TCP11: variants seen among roughly 807,000 people sequenced by gnomAD.
TCP11 encodes the protein T-complex protein 11 homolog.
Under a neutral mutation model 45.0 loss-of-function variants are expected in TCP11, and 34 were observed. That is an observed-to-expected ratio of 0.76 (90% CI 0.57 to 1.01). The LOEUF is 1.01. Ranked by LOEUF, TCP11 falls within the 50% of genes least tolerant of loss-of-function variation. The pLI is 0.00. For missense variants in TCP11, 523 were observed against 598.1 expected (o/e 0.87, Z 1.31); for synonymous variants, 227 against 227.0 (o/e 1.00, Z 0.00).
rs555329666 is a variant in TCP11 at position 35,131,777 on chromosome 6, T to C, written c.237-2595A>G. 1.2e-4 allele frequency among the ~76,000 whole-genome samples: 18 copies of C among 152,272 alleles called. No homozygotes were observed. In the East Asian group the frequency reaches 2.9e-3, roughly 25 times the overall value. On this transcript the variant is annotated intron_variant, in intron 3 of 9. Coordinates refer to ENST00000311875, the MANE Select transcript of TCP11 (RefSeq NM_001370687.1). The stretch of plus-strand genomic sequence containing the variant: ...TTACAGCTGCCTCATTTTTAAAAAA[T>C]GTTTAGTACAGACAGAGTTTTGCCA...
intron 2 of TCP11, chr6:35,140,242 A>T: frequency 6.7e-7 from 1 of 1,494,844 alleles, no homozygotes; most frequent in South Asian, 1.2e-5. Flanking sequence ...ATTAAGAGAA[A>T]TACAGCATGA....
intron 1 of TCP11, 110 bp downstream of exon 1, chr6:35,141,095 A>G: frequency 7.8e-7 from 1 of 1,274,244 alleles, no homozygotes; most frequent in Non-Finnish European, 1.0e-6. Flanking sequence ...CTAAAGCCAC[A>G]GAAGCCCGGC....
At chr6:35,129,490 AG>A (rs1245512942) in intron 3 of TCP11, among the ~76,000 whole-genome samples, 1 of 152,252 alleles carries the variant, frequency 6.6e-6, no homozygotes, top group Non-Finnish European at 1.5e-5. Context: ...CATCTAGCCT[AG>A]ATAACTTGAT....
intron 4 of TCP11, among the ~76,000 whole-genome samples, chr6:35,123,318 T>C (rs1420293334): frequency 2.0e-5 from 3 of 152,176 alleles, no homozygotes; most frequent in Admixed American, 1.3e-4. Context: ...AACTTGAGGA[T>C]AGCAGATGAT....
At position 35,120,572 on chromosome 6, in the gene TCP11, C is replaced by T; in HGVS notation, c.790G>A (p.Asp264Asn). The T allele has an allele frequency of 6.2e-7, 1 of 1,613,890 alleles. No homozygotes were observed. Among genetic ancestry groups the T allele is most frequent in the Non-Finnish European group, 8.5e-7 (1 of 1,180,028 alleles). ...GCCACACTGGAGGAGTCAGAAGTGT[C>T]TGGGCAAGTCGGAGGTGACATGGTG... ...DLTMSPPTCPDTSDSSSVAGP... is the reference protein window; with the variant it reads ...DLTMSPPTCPNTSDSSSVAGP... Residue 264 changes from aspartate (D) to asparagine (N), a missense_variant, in exon 7 of 10, where the codon GAC (aspartate) becomes AAC (asparagine). Asp to Asn is a conservative substitution (Grantham distance 23). Coordinates refer to ENST00000311875, the MANE Select transcript of TCP11 (RefSeq NM_001370687.1). The surrounding 1 kb of genome is among the most constrained non-coding windows in gnomAD (Gnocchi z 4.9).
At chr6:35,127,065 C>G (rs1779908015) in intron 4 of TCP11, among the ~76,000 whole-genome samples, 1 of 152,182 alleles carries the variant, frequency 6.6e-6, no homozygotes, top group Non-Finnish European at 1.5e-5. Context: ...TGATAACCCA[C>G]TTGCAGGATT....
intron 3 of TCP11, among the ~76,000 whole-genome samples, chr6:35,133,123 A>G: frequency 6.6e-6 from 1 of 152,108 alleles, no homozygotes; most frequent in East Asian, 1.9e-4. Flanking sequence ...AAATTAGAAC[A>G]ATTTTATTTT....
At position 35,140,757 on chromosome 6, in the gene TCP11, G is replaced by T. The variant is rs748833848; in HGVS notation, c.114C>A (p.Asp38Glu). 3.9e-6 allele frequency: 6 copies of T among 1,527,840 alleles called. No homozygotes were observed. The highest frequency in any genetic ancestry group is 1.3e-5 in the South Asian group (1 of 75,640). The allele number at this position is 1,527,840 out of a possible 1,614,324, so 94.6% of individuals were successfully genotyped here. ...CCGAGCTGGACCTACAGGGAGGGGG[G>T]TCCTCGGAGCCGCTCTTGTCTTCCT... ...PPQEDKSGSE[D>E]PPPFLSVTGL... The change falls in exon 2 of 10, where the codon GAC (aspartate) becomes GAA (glutamate). Residue 38 changes from aspartate to glutamate, a missense_variant. Asp to Glu is a conservative substitution (Grantham distance 45). Around this residue, in one of 2 missense-constraint regions of TCP11, gnomAD observed 225 missense variants for 210.2 expected, o/e 1.07. Transcript: ENST00000311875.
chr6:35,141,264 G>A lies in TCP11; in HGVS notation c.-74C>T, dbSNP rs1209551567. On this transcript the variant is annotated 5_prime_UTR_variant, in exon 1 of 10. Transcript: ENST00000311875. ...TCCGCTCGGTGGGCCTCGCGGCCTG[G>A]CGGCCTGGAGCGTACCACCGCGGCG... is the stretch of plus-strand genomic sequence containing the variant. 25 of 1,203,596 alleles carry A rather than the reference G, an allele frequency of 2.1e-5. No homozygotes were observed. The highest frequency in any genetic ancestry group is 2.5e-5 in the Non-Finnish European group (24 of 973,070). The allele number at this position is 1,203,596 out of a possible 1,614,324, so 74.6% of individuals were successfully genotyped here.
intron 2 of TCP11, among the ~76,000 whole-genome samples, chr6:35,138,479 G>A (rs1781358184): frequency 6.6e-6 from 1 of 150,512 alleles, no homozygotes; most frequent in South Asian, 2.1e-4. Flanking sequence ...GCCAGGCACA[G>A]AAAGAAAAAC....
intron 4 of TCP11, among the ~76,000 whole-genome samples, chr6:35,122,877 T>C (rs1028406097): frequency 6.6e-6 from 1 of 152,146 alleles, no homozygotes; most frequent in Admixed American, 6.5e-5. Context: ...TTGAATAGAA[T>C]ATGGTGTTGT....
intron 2 of TCP11, among the ~76,000 whole-genome samples, chr6:35,139,660 C>T (rs1781500344): frequency 6.6e-6 from 1 of 152,296 alleles, no homozygotes; most frequent in Admixed American, 6.5e-5. Context: ...TACACAGAAA[C>T]ACTTTCCAAC....
intron 3 of TCP11, among the ~76,000 whole-genome samples, chr6:35,133,741 G>A (rs1039383494): frequency 6.6e-5 from 10 of 151,686 alleles, no homozygotes; most frequent in Non-Finnish European, 1.3e-4. Context: ...AGCAAGCTGA[G>A]ATCGCGCCAC....
rs1778827635 is a variant in TCP11, at chr6:35,118,183, T to C, written c.*86A>G. 6 of 1,151,702 alleles carry C rather than the reference T, an allele frequency of 5.2e-6. No individual in the cohort carries two copies. Among genetic ancestry groups the C allele is most frequent in the Non-Finnish European group, 3.9e-6 (3 of 777,208 alleles). 71.3% of individuals were successfully genotyped at this position (1,151,702 alleles called of 1,614,324 possible). A position where few individuals can be genotyped will look rare whatever the true frequency, so the allele number is the denominator to read the frequency against. ...TGCAGGGCCTGGGATAGAAGCTCACTGTCTGCTGGTCACTGGTGATGTTAC... is the reference window on the plus strand; with the variant it reads ...TGCAGGGCCTGGGATAGAAGCTCACCGTCTGCTGGTCACTGGTGATGTTAC... On this transcript the variant is annotated 3_prime_UTR_variant, in exon 10 of 10. Coordinates refer to ENST00000311875, the MANE Select transcript of TCP11 (RefSeq NM_001370687.1).
Position 35,122,190 on chromosome 6 carries a change from A to G in TCP11, c.505T>C (p.Leu169=). 1 of 1,614,174 alleles carries G rather than the reference A, an allele frequency of 6.2e-7. No individual in the cohort carries two copies. The highest frequency in any genetic ancestry group is 8.5e-7 in the Non-Finnish European group (1 of 1,180,034). ...TCATCTCGAACTGGTGCACACAGCA[A>G]AGCCATCATGTTGAGAACGTACTTA... ...LSKYVLNMMA[L]LCAPVRDEAV... is the part of the protein sequence containing the mutation. Residue 169 remains leucine (L), a synonymous_variant, in exon 5 of 10, where the codon TTG becomes CTG. Transcript: ENST00000311875.
At chr6:35,134,292 TTTGG>T (rs773132481) in intron 3 of TCP11, among the ~76,000 whole-genome samples, 15 of 143,560 alleles carry the variant, frequency 1.0e-4, no homozygotes, top group South Asian at 6.5e-4. Flanking sequence ...TTTTTTTTTT[TTTGG>T]TTTTGTTTTG....
chr6:35,141,265 C>T lies in TCP11; in HGVS notation c.-75G>A. The T allele has an allele frequency of 1.4e-6, 1 of 723,558 alleles. No individual in the cohort carries two copies. Among genetic ancestry groups the T allele is most frequent in the African/African-American group, 1.7e-5 (1 of 58,924 alleles). The allele number at this position is 723,558 out of a possible 1,614,324, so 44.8% of individuals were successfully genotyped here. A position where few individuals can be genotyped will look rare whatever the true frequency, so the allele number is the denominator to read the frequency against. On this transcript the variant is annotated 5_prime_UTR_variant, in exon 1 of 10. Coordinates refer to ENST00000311875, the MANE Select transcript of TCP11 (RefSeq NM_001370687.1). ...CCGCTCGGTGGGCCTCGCGGCCTGG[C>T]GGCCTGGAGCGTACCACCGCGGCGG...
At chr6:35,132,170 C>A (rs1025712895) in intron 3 of TCP11, among the ~76,000 whole-genome samples, 1 of 152,230 alleles carries the variant, frequency 6.6e-6, no homozygotes, top group African/African-American at 2.4e-5. Context: ...TTGGGCTCAG[C>A]CATTGCAAGT....
At chr6:35,128,891 A>T in intron 4 of TCP11, 171 bp downstream of exon 4, 1 of 813,982 alleles carries the variant, frequency 1.2e-6, no homozygotes, top group Non-Finnish European at 1.8e-6. Flanking sequence ...TCTCTGTTAT[A>T]ATAATTTTTA....
Sources: gnomAD v4.1 joint callset for allele counts (sites outside exome capture counted in the v4.1 genomes callset) on GRCh38, gnomAD v4.1.1 for gene constraint, gnomAD v4.1.1 regional missense constraint, Gnocchi (gnomAD v3.1) non-coding constraint, MANE v1.5 for transcripts, NCBI Gene and HGNC (gene_info 2026-07-23, HGNC 2026-07-21) for gene names.